The following BBS5 variants were observed in gnomAD, a reference collection of about 807,000 sequenced individuals.
The protein encoded by BBS5 is Bardet-Biedl syndrome 5, also known as BBSome complex member BBS5.
A neutral mutation model predicts 50.2 loss-of-function variants in BBS5; 39 were observed. The ratio of observed to expected loss-of-function variants is 0.78; its 90% CI spans 0.60 to 1.01. The LOEUF (loss-of-function observed/expected upper bound fraction) is 1.01. BBS5 is among the 50% of genes least tolerant of loss of function. The pLI, the probability that BBS5 is intolerant of heterozygous loss-of-function variation, is 0.00. For synonymous variants in BBS5, 134 were observed against 133.1 expected, an observed-to-expected ratio of 1.01 and a Z score of -0.05; for missense variants, 356 against 401.5, an observed-to-expected ratio of 0.89 and a Z score of 0.97.
intron 8 of BBS5, chr2:169,499,125 G>A (rs1683751336): frequency 4.0e-6 from 1 of 250,186 alleles, no homozygotes; most frequent in African/African-American, 2.3e-5. Flanking sequence ...ACAGTCTACA[G>A]TGTATTTTTT....
intron 6 of BBS5, among the ~76,000 whole-genome samples, chr2:169,493,441 G>A (rs1683638542): frequency 6.6e-6 from 1 of 152,154 alleles, no homozygotes; most frequent in Admixed American, 6.5e-5. Flanking sequence ...CACTGTGTTA[G>A]GATTGATTTA....
At chr2:169,493,167 T>C (rs1193814036) in intron 6 of BBS5, 158 bp downstream of exon 6, 14 of 807,524 alleles carry the variant, frequency 1.7e-5, no homozygotes, top group Admixed American at 6.4e-5. Flanking sequence ...GATGATAACA[T>C]CCCTATTTTC....
chr2:169,503,200 A>G (rs201207531), intron 10 of BBS5, 22 bp downstream of exon 10: 45 of 1,567,986 alleles, frequency 2.9e-5, no homozygotes, highest in African/African-American at 2.2e-4. Context: ...AAAGGACAGC[A>G]TTAAATTTCT....
chr2:169,501,553 A>G (rs1288757173), intron 9 of BBS5, among the ~76,000 whole-genome samples: 1 of 152,128 alleles, frequency 6.6e-6, no homozygotes, highest in African/African-American at 2.4e-5. Context: ...ATAAGACAAC[A>G]TAGTGACACC....
intron 1 of BBS5, 98 bp from the exon 2 acceptor site, chr2:169,482,153 G>A (rs1245213200): frequency 6.3e-6 from 5 of 799,976 alleles, no homozygotes; most frequent in African/African-American, 3.4e-5. Flanking sequence ...TATTTATGCT[G>A]TTAGCTGTTT....
At chr2:169,497,483 T>A in intron 7 of BBS5, 144 bp from the exon 8 acceptor site, 1 of 595,802 alleles carries the variant, frequency 1.7e-6, no homozygotes. Flanking sequence ...TTGATCTCTG[T>A]GGCAGTTTAA....
intron 3 of BBS5, among the ~76,000 whole-genome samples, chr2:169,487,497 C>T (rs1448983144): frequency 1.3e-5 from 2 of 151,884 alleles, no homozygotes; most frequent in Non-Finnish European, 2.9e-5. Context: ...TTTAGATTAT[C>T]CAGCTAGACT....
intron 6 of BBS5, 39 bp downstream of exon 6, chr2:169,493,048 T>C (rs769012745): frequency 6.2e-7 from 1 of 1,609,370 alleles, no homozygotes; most frequent in South Asian, 1.1e-5. Context: ...TGGGACAGTG[T>C]TTTGGTAATC....
At position 169,504,795 on chromosome 2, in the gene BBS5, ACCGT is replaced by A. The variant is rs1683872150; in HGVS notation, c.*217_*220del. 3 of 1,531,684 alleles carry A rather than the reference ACCGT, an allele frequency of 2.0e-6. No individual in the cohort carries two copies. Among genetic ancestry groups the A allele is most frequent in the South Asian group, 1.2e-5 (1 of 83,964 alleles). 94.9% of individuals were successfully genotyped at this position (1,531,684 alleles called of 1,614,324 possible). A position where few individuals can be genotyped will look rare whatever the true frequency, so the allele number is the denominator to read the frequency against. On this transcript the variant is annotated 3_prime_UTR_variant, in exon 12 of 12. Transcript: ENST00000295240. ...GGGGCCAGCGACACATGGCCTAGTA[ACCGT>A]CCGGCCGCGGCGCTGGCTTAAGCCA... is the stretch of plus-strand genomic sequence containing the variant.
At chr2:169,499,661 A>T in intron 9 of BBS5, 41 bp downstream of exon 9, 1 of 1,599,828 alleles carries the variant, frequency 6.3e-7, no homozygotes, top group South Asian at 1.1e-5. Flanking sequence ...GCATTGCTTT[A>T]TGCAGTCTAT....
intron 2 of BBS5, among the ~76,000 whole-genome samples, chr2:169,485,192 A>G (rs779676475): frequency 1.3e-5 from 2 of 152,222 alleles, no homozygotes; most frequent in African/African-American, 2.4e-5. Flanking sequence ...GGCGTAAGGA[A>G]AACAGGTATA....
chr2:169,493,495 A>G (rs72885836), intron 6 of BBS5, among the ~76,000 whole-genome samples: 1 of 152,302 alleles, frequency 6.6e-6, no homozygotes, highest in Non-Finnish European at 1.5e-5. Context: ...TTGACAAAAT[A>G]CATCAAGAAG....
chr2:169,487,876 T>G, intron 4 of BBS5, 21 bp downstream of exon 4: 1 of 1,583,628 alleles, frequency 6.3e-7, no homozygotes, highest in Non-Finnish European at 8.7e-7. Flanking sequence ...AAAATCTTAT[T>G]GCAATATATA....
intron 8 of BBS5, 145 bp downstream of exon 8, chr2:169,497,834 C>T: frequency 1.6e-6 from 1 of 612,066 alleles, no homozygotes; most frequent in Non-Finnish European, 2.9e-6. Flanking sequence ...TGTTTGAAGT[C>T]ATACAGAAAT....
At chr2:169,484,465 G>A (rs769970593) in intron 2 of BBS5, among the ~76,000 whole-genome samples, 2 of 152,122 alleles carry the variant, frequency 1.3e-5, no homozygotes, top group Admixed American at 1.3e-4. Flanking sequence ...AGTACGCAGC[G>A]CTTCTGGTCA....
intron 9 of BBS5, 148 bp from the exon 10 acceptor site, chr2:169,502,947 A>G (rs1238379747): frequency 1.0e-5 from 7 of 680,452 alleles, no homozygotes; most frequent in Admixed American, 2.3e-5. Flanking sequence ...TAGTTTTATT[A>G]CTTGTTAGTT....
intron 1 of BBS5, among the ~76,000 whole-genome samples, chr2:169,481,874 T>C (rs1683404166): frequency 1.3e-5 from 2 of 152,240 alleles, no homozygotes; most frequent in Admixed American, 6.5e-5. Flanking sequence ...GGTTCCTCCT[T>C]AGTTATCCAA....
chr2:169,504,760 C>G lies in BBS5; in HGVS notation c.*178C>G, dbSNP rs538662682. The G allele has an allele frequency of 6.7e-6, 9 of 1,353,342 alleles. No homozygotes were observed. The highest frequency in any genetic ancestry group is 8.2e-6 in the Non-Finnish European group (8 of 981,236). The allele number at this position is 1,353,342 out of a possible 1,614,324, so 83.8% of individuals were successfully genotyped here. On this transcript the variant is annotated 3_prime_UTR_variant, in exon 12 of 12. Transcript: ENST00000295240. Reference sequence around the variant, plus strand: ...AGAAAACTTCAGTTTTCGGCCAGCGCGTCGAGGGAGGGGCCAGCGACACAT... The same window carrying G: ...AGAAAACTTCAGTTTTCGGCCAGCGGGTCGAGGGAGGGGCCAGCGACACAT...
At chr2:169,503,296 C>T in intron 10 of BBS5, 118 bp downstream of exon 10, 1 of 819,460 alleles carries the variant, frequency 1.2e-6, no homozygotes, top group South Asian at 1.5e-5. Context: ...TGTCTTAAAC[C>T]TGAGTTTGAA....
Sources: allele counts gnomAD v4.1 joint callset (sites outside exome capture counted in the v4.1 genomes callset), GRCh38; gene constraint gnomAD v4.1.1; transcripts MANE v1.5; gene names NCBI Gene and HGNC (gene_info 2026-07-23, HGNC 2026-07-21).